The following ULBP2 variants were observed in gnomAD, a reference collection of about 807,000 sequenced individuals.
ULBP2 encodes the protein UL16-binding protein 2.
A neutral mutation model predicts 23.6 loss-of-function variants in ULBP2; 21 were observed. That is an observed-to-expected ratio of 0.89 (90% CI 0.63 to 1.28). ULBP2 has a LOEUF of 1.28. Ranked by LOEUF, ULBP2 falls within the 50% of genes most tolerant of loss-of-function variation. ULBP2 has a pLI of 0.00. For synonymous variants in ULBP2, 82 were observed against 112.8 expected, an observed-to-expected ratio of 0.73 and a Z score of 1.73; for missense variants, 251 against 306.0, an observed-to-expected ratio of 0.82 and a Z score of 1.34.
At chr6:149,946,735 A>C (rs750336272) in intron 3 of ULBP2, 82 bp downstream of exon 3, 13 of 1,586,676 alleles carry the variant, frequency 8.2e-6, no homozygotes, top group Non-Finnish European at 1.1e-5. Context: ...GTTCAGCTTC[A>C]ATCATCCCAG....
rs1402816636 is a variant in ULBP2 at position 149,949,122 on chromosome 6, T to C, written c.*422T>C. 3 of 155,462 alleles carry C rather than the reference T, an allele frequency of 1.9e-5. No individual in the cohort carries two copies. The highest frequency in any genetic ancestry group is 6.4e-5 in the Admixed American group (1 of 15,604). 9.6% of individuals were successfully genotyped at this position (155,462 alleles called of 1,614,324 possible). On this transcript the variant is annotated 3_prime_UTR_variant, in exon 5 of 5. Transcript: ENST00000367351. ...ACCTCTGGGGATTCTTTCCGTGTCC[T>C]GAAAGAGAATTTTTAAATTATTTAA...
intron 1 of ULBP2, among the ~76,000 whole-genome samples, chr6:149,943,017 G>A (rs1778886638): frequency 6.6e-6 from 1 of 152,180 alleles, no homozygotes; most frequent in South Asian, 2.1e-4. Flanking sequence ...CAGCGTCATA[G>A]AGAATAGTCA....
rs141976380 is a variant in ULBP2 at position 149,945,680 on chromosome 6, C to T, written c.349+108C>T. On this transcript the variant is annotated intron_variant, in intron 2 of 4. Transcript: ENST00000367351. ...AAAGGGTCCTGGGCACGGTGGCTCA[C>T]GCCTGTAGTCCCAGCACTTTGTGAG... 1.5e-3 allele frequency: 2,459 copies of T among 1,590,890 alleles called. 21 individuals are homozygous for T. In the African/African-American group the frequency reaches 0.027, roughly 18 times the overall value.
chr6:149,947,109 C>T (rs1582815006), intron 3 of ULBP2, among the ~76,000 whole-genome samples: 1 of 152,122 alleles, frequency 6.6e-6, no homozygotes, highest in East Asian at 1.9e-4. Flanking sequence ...TGTCACCTTG[C>T]TTCCCTCAGC....
chr6:149,942,272 C>G (rs1260466608), intron 1 of ULBP2, 115 bp downstream of exon 1: 8 of 1,135,238 alleles, frequency 7.0e-6, no homozygotes, highest in Non-Finnish European at 9.8e-6. Context: ...TCTCCCCTAA[C>G]TGCGCCCCCG....
At chr6:149,947,193 C>A in intron 3 of ULBP2, 127 bp from the exon 4 acceptor site, 2 of 1,567,786 alleles carry the variant, frequency 1.3e-6, no homozygotes, top group Admixed American at 3.7e-5. Flanking sequence ...TACTGGCTGC[C>A]CCACACCAGG....
chr6:149,946,267 G>T, intron 2 of ULBP2, 105 bp from the exon 3 acceptor site: 3 of 1,429,112 alleles, frequency 2.1e-6, no homozygotes, highest in Non-Finnish European at 2.9e-6. Flanking sequence ...CTAGAGGCAA[G>T]GCCAAGATGT....
chr6:149,946,264 C>G, intron 2 of ULBP2, 108 bp from the exon 3 acceptor site: 1 of 1,410,432 alleles, frequency 7.1e-7, no homozygotes, highest in South Asian at 1.4e-5. Flanking sequence ...AGTCTAGAGG[C>G]AAGGCCAAGA....
At chr6:149,943,858 T>C (rs932448516) in intron 1 of ULBP2, among the ~76,000 whole-genome samples, 1 of 152,056 alleles carries the variant, frequency 6.6e-6, no homozygotes, top group African/African-American at 2.4e-5. Flanking sequence ...TGTGACCACA[T>C]GTACCTCTAG....
At chr6:149,945,857 C>T (rs1410553932) in intron 2 of ULBP2, among the ~76,000 whole-genome samples, 2 of 149,630 alleles carry the variant, frequency 1.3e-5, no homozygotes, top group Admixed American at 1.3e-4. Flanking sequence ...AGGAGGATCC[C>T]TTGAACCCGG....
At chr6:149,944,915 G>A (rs1280506955) in intron 1 of ULBP2, among the ~76,000 whole-genome samples, 14 of 144,312 alleles carry the variant, frequency 9.7e-5, no homozygotes, top group African/African-American at 3.5e-4. Context: ...GCATCCACAG[G>A]GGTGGACCCA....
intron 4 of ULBP2, among the ~76,000 whole-genome samples, chr6:149,948,310 C>G (rs1351422264): frequency 6.6e-6 from 1 of 152,144 alleles, no homozygotes; most frequent in African/African-American, 2.4e-5. Flanking sequence ...AGGAGAGGCT[C>G]AAGAAGAAGG....
chr6:149,945,313 T>A lies in ULBP2; in HGVS notation c.90T>A (p.Pro30=), dbSNP rs1388062040. Residue 30 remains proline, a synonymous_variant, in exon 2 of 5, where the codon CCT becomes CCA. Coordinates refer to ENST00000367351, the MANE Select transcript of ULBP2 (RefSeq NM_025217.4). ...CTCACCTGCCTTTCTCCACAGACCC[T>A]CACTCTCTTTGCTATGACATCACCG... The part of the protein sequence containing the change: ...SGWSRAGRAD[P]HSLCYDITVI... The A allele has an allele frequency of 1.9e-6, 3 of 1,610,544 alleles. No homozygotes were observed. In the South Asian group the frequency reaches 3.3e-5, roughly 18 times the overall value.
rs776907728 is a variant in ULBP2 at position 149,946,565 on chromosome 6, C to T, written c.543C>T (p.Ser181=). ...AGAATGACAAGGTTGTGGCCATGTCCTTCCATTACTTCTCAATGGGAGACT... is the reference window on the plus strand; with the variant it reads ...AGAATGACAAGGTTGTGGCCATGTCTTTCCATTACTTCTCAATGGGAGACT... ...KWENDKVVAM[S]FHYFSMGDCI... is the part of the protein sequence containing the mutation. The change falls in exon 3 of 5, where the codon TCC becomes TCT. Residue 181 remains serine (S), a synonymous_variant. Coordinates refer to ENST00000367351, the MANE Select transcript of ULBP2 (RefSeq NM_025217.4). 25 of 1,614,048 alleles carry T rather than the reference C, an allele frequency of 1.5e-5. No homozygotes were observed.
chr6:149,946,579 C>G lies in ULBP2; in HGVS notation c.557C>G (p.Ser186Ter), dbSNP rs754579331. 3 of 1,614,148 alleles carry G rather than the reference C, an allele frequency of 1.9e-6. No individual in the cohort carries two copies. In the South Asian group the frequency reaches 3.3e-5, roughly 18 times the overall value. ...GTGGCCATGTCCTTCCATTACTTCTCAATGGGAGACTGTATAGGATGGCTT... is the reference window on the plus strand; with the variant it reads ...GTGGCCATGTCCTTCCATTACTTCTGAATGGGAGACTGTATAGGATGGCTT... ...KVVAMSFHYFSMGDCIGWLED... is the reference protein window; with the variant it reads ...KVVAMSFHYF Residue 186 changes from serine to a stop codon, truncating the protein, a stop_gained, in exon 3 of 5, where the codon TCA becomes TGA. Transcript: ENST00000367351. LOFTEE classifies it high-confidence loss of function.
chr6:149,942,998 C>T lies in ULBP2; in HGVS notation c.85+841C>T, dbSNP rs60248818. Among the ~76,000 whole-genome samples, 612 of 152,242 alleles carry T rather than the reference C, an allele frequency of 4.0e-3. 4 individuals carry two copies. The highest frequency in any genetic ancestry group is 0.014 in the African/African-American group (586 of 41,510). On this transcript the variant is annotated intron_variant, in intron 1 of 4. Transcript: ENST00000367351. Reference sequence around the variant, plus strand: ...GGGCCCAGACCGCCTGTTCTTCCTACGGGGGTGTCAGCGTCATAGAGAATA... The same window carrying T: ...GGGCCCAGACCGCCTGTTCTTCCTATGGGGGTGTCAGCGTCATAGAGAATA...
At chr6:149,945,595 C>A (rs369931077) in intron 2 of ULBP2, 23 bp downstream of exon 2, 344 of 1,613,968 alleles carry the variant, frequency 2.1e-4, no homozygotes, top group Non-Finnish European at 2.6e-4. Flanking sequence ...TGGCCCAGGA[C>A]AGCAGGGAAC....
intron 4 of ULBP2, among the ~76,000 whole-genome samples, chr6:149,947,839 G>T (rs1345243863): frequency 6.6e-6 from 1 of 151,844 alleles, no homozygotes; most frequent in African/African-American, 2.4e-5. Flanking sequence ...GTGCATCATG[G>T]TAGCTTTACA....
At chr6:149,943,696 C>G (rs1395159968) in intron 1 of ULBP2, among the ~76,000 whole-genome samples, 10 of 152,016 alleles carry the variant, frequency 6.6e-5, no homozygotes, top group Non-Finnish European at 1.5e-4. Context: ...CATGGGCCTT[C>G]TTTATATGCA....
Sources: gnomAD v4.1 joint callset for allele counts (sites outside exome capture counted in the v4.1 genomes callset) on GRCh38, gnomAD v4.1.1 for gene constraint, MANE v1.5 for transcripts, NCBI Gene and HGNC (gene_info 2026-07-23, HGNC 2026-07-21) for gene names.